PRKAR1B: variants seen among roughly 807,000 people sequenced by gnomAD.
PRKAR1B encodes the protein cAMP-dependent protein kinase type I-beta regulatory subunit.
PRKAR1B carries 22 observed loss-of-function variants against 46.5 expected under a neutral mutation model. The observed-to-expected ratio is 0.47, with a 90% CI of 0.34 to 0.68. The LOEUF is 0.68. PRKAR1B is among the 30% of genes least tolerant of loss of function. The pLI is 0.01. For missense variants in PRKAR1B, 445 were observed against 535.6 expected (o/e 0.83, Z 1.67); for synonymous variants, 259 against 217.7 (o/e 1.19, Z -1.67).
chr7:551,511 G>C, intron 9 of PRKAR1B, 41 bp from the exon 10 acceptor site: 1 of 1,539,876 alleles, frequency 6.5e-7, no homozygotes, highest in Non-Finnish European at 8.8e-7. Flanking sequence ...CAGCCAGGCG[G>C]GTGCAGGGTG....
rs191644250 is a variant in PRKAR1B, at chr7:652,193, C to T, written c.440+25036G>A. On this transcript the variant is annotated intron_variant, in intron 4 of 10. Transcript: ENST00000537384. ...CCCCTCTCGGAACACAGTTCACACC[C>T]GCACAGCGCTAGGAACCTGGGGAAA... 7.3e-4 allele frequency among the ~76,000 whole-genome samples: 105 copies of T among 143,564 alleles called. 1 individual carries two copies. Among genetic ancestry groups the T allele is most frequent in the Non-Finnish European group, 7.7e-4 (51 of 66,422 alleles). The allele number at this position is 143,564 out of a possible 152,430, so 94.2% of individuals were successfully genotyped here.
chr7:633,590 C>A (rs1783882173), intron 4 of PRKAR1B, among the ~76,000 whole-genome samples: 1 of 152,092 alleles, frequency 6.6e-6, no homozygotes, highest in African/African-American at 2.4e-5. Flanking sequence ...ACAGCAAGAC[C>A]CCATCTCTAC....
intron 4 of PRKAR1B, among the ~76,000 whole-genome samples, chr7:613,637 T>C (rs950198850): frequency 6.6e-6 from 1 of 152,000 alleles, no homozygotes; most frequent in Non-Finnish European, 1.5e-5. Flanking sequence ...GTGAATCTGC[T>C]CCAATACCTG....
intron 1 of PRKAR1B, among the ~76,000 whole-genome samples, chr7:724,387 C>T (rs534790212): frequency 3.2e-4 from 48 of 152,244 alleles, no homozygotes; most frequent in Admixed American, 6.5e-4. Flanking sequence ...ATAAGTCTCA[C>T]GAGATCTGAC....
At chr7:727,425 C>T (rs1336632159), upstream of PRKAR1B, 2 of 472,092 alleles carry the variant, frequency 4.2e-6, no homozygotes, top group Non-Finnish European at 6.2e-6. Context: ...CCCCTCCACG[C>T]CCGCACCCCC....
chr7:644,750 C>T lies in PRKAR1B; in HGVS notation c.440+32479G>A, dbSNP rs1183030764. On this transcript the variant is annotated intron_variant, in intron 4 of 10. Transcript: ENST00000537384. The surrounding 1 kb of genome is among the most constrained non-coding windows in gnomAD (Gnocchi z 4.9). ...AACCCCAGCTCTCCCTCCCAGAGGG[C>T]AGGCACCAGGGCCAGACCCTTCCCC... Among the ~76,000 whole-genome samples, 2 of 152,186 alleles carry T rather than the reference C, an allele frequency of 1.3e-5. No homozygotes were observed. The highest frequency in any genetic ancestry group is 3.9e-4 in the East Asian group (2 of 5,180).
Position 667,860 on chromosome 7 carries a change from A to G in PRKAR1B, c.440+9369T>C, listed in dbSNP as rs1786017622. On this transcript the variant is annotated intron_variant, in intron 4 of 10. Coordinates refer to ENST00000537384, the MANE Select transcript of PRKAR1B (RefSeq NM_001164760.2). The surrounding 1 kb of genome is among the most constrained non-coding windows in gnomAD (Gnocchi z 4.3). ...CCTTCGATCAAGGCCAACTAGCAAT[A>G]CCACCATCCTAGAAGGACAGGCAGG... 1.3e-5 allele frequency among the ~76,000 whole-genome samples: 2 copies of G among 152,208 alleles called. No homozygotes were observed. The highest frequency in any genetic ancestry group is 2.9e-5 in the Non-Finnish European group (2 of 68,030).
intron 4 of PRKAR1B, among the ~76,000 whole-genome samples, chr7:664,294 C>A (rs555234375): frequency 1.3e-5 from 2 of 152,292 alleles, no homozygotes; most frequent in Non-Finnish European, 2.9e-5. Flanking sequence ...TCCTTCTGGT[C>A]GCTATGTGGT....
intron 9 of PRKAR1B, among the ~76,000 whole-genome samples, chr7:552,339 TGCCACCACCA>T (rs1197554568): frequency 8.4e-5 from 9 of 106,940 alleles, no homozygotes; most frequent in East Asian, 5.6e-4. Context: ...GCAGAGCCAC[TGCCACCACCA>T]CGTCACCACC....
intron 1 of PRKAR1B, among the ~76,000 whole-genome samples, chr7:724,284 C>T (rs1476800811): frequency 6.6e-6 from 1 of 152,170 alleles, no homozygotes; most frequent in Non-Finnish European, 1.5e-5. Context: ...TGAATTGTAG[C>T]TCCCACAATT....
chr7:659,382 A>T (rs1785380004), intron 4 of PRKAR1B, among the ~76,000 whole-genome samples: 1 of 152,208 alleles, frequency 6.6e-6, no homozygotes, highest in South Asian at 2.1e-4. Flanking sequence ...TATAGCTTCC[A>T]TCCTAGTGGA....
At chr7:717,701 T>A (rs1780928973) in intron 1 of PRKAR1B, among the ~76,000 whole-genome samples, 1 of 152,036 alleles carries the variant, frequency 6.6e-6, no homozygotes, top group Non-Finnish European at 1.5e-5. Context: ...ATATTCAAGT[T>A]TTGCATTGTT....
chr7:617,868 G>GGAGCA (rs1156441440), intron 4 of PRKAR1B, among the ~76,000 whole-genome samples: 4 of 152,124 alleles, frequency 2.6e-5, no homozygotes, highest in Admixed American at 2.6e-4. Flanking sequence ...CCTCTATCCG[G>GGAGCA]GCAAAGGGCT....
chr7:586,290 A>G (rs1354257935), intron 7 of PRKAR1B, among the ~76,000 whole-genome samples: 3 of 152,138 alleles, frequency 2.0e-5, no homozygotes, highest in African/African-American at 7.2e-5. Context: ...TGGTGTCCAC[A>G]CCCTGTGTGC....
chr7:629,227 C>G (rs1227673063), intron 4 of PRKAR1B, among the ~76,000 whole-genome samples: 1 of 152,254 alleles, frequency 6.6e-6, no homozygotes, highest in East Asian at 1.9e-4. Flanking sequence ...AGCCCTCAGA[C>G]CCTGGCTCCA....
intron 2 of PRKAR1B, among the ~76,000 whole-genome samples, chr7:706,422 A>ATTTTTTTTGTTT (rs1780326948): frequency 9.8e-6 from 1 of 102,298 alleles, no homozygotes; most frequent in African/African-American, 3.9e-5. Context: ...CAAATAAGGA[A>ATTTTTTTTGTTT]TTTTTTTTTT....
chr7:593,433 G>A lies in PRKAR1B; in HGVS notation c.708+2713C>T, dbSNP rs974591906. Among the ~76,000 whole-genome samples, 5 of 152,174 alleles carry A rather than the reference G, an allele frequency of 3.3e-5. No homozygotes were observed. The highest frequency in any genetic ancestry group is 3.9e-4 in the East Asian group (2 of 5,190). ...CCCGGCGCGGCCAGCTATTCTTAGC[G>A]CACAGGGACCCAAAATTAAAACAGA... is the stretch of plus-strand genomic sequence containing the variant. On this transcript the variant is annotated intron_variant, in intron 7 of 10. Transcript: ENST00000537384. The surrounding 1 kb of genome is among the most constrained non-coding windows in gnomAD (Gnocchi z 6.1).
intron 2 of PRKAR1B, among the ~76,000 whole-genome samples, chr7:710,929 C>A (rs1222376527): frequency 6.6e-6 from 1 of 152,176 alleles, no homozygotes; most frequent in Non-Finnish European, 1.5e-5. Flanking sequence ...CAGGTGTGAG[C>A]TACCCCGTGG....
In PRKAR1B at chr7:605,542, T is replaced by C. The variant is rs549481363; in HGVS notation, c.549+651A>G. ...GTTTATTTACTTAGTTTTATACATATATGTATCTATTTTATACATACACAT... is the reference window on the plus strand; with the variant it reads ...GTTTATTTACTTAGTTTTATACATACATGTATCTATTTTATACATACACAT... On this transcript the variant is annotated intron_variant, in intron 6 of 10. Transcript: ENST00000537384. Among the ~76,000 whole-genome samples, 85 of 152,346 alleles carry C rather than the reference T, an allele frequency of 5.6e-4. No individual in the cohort carries two copies. The Middle Eastern group carries it at 0.01, about 18-fold the overall frequency.
Sources: allele counts gnomAD v4.1 joint callset (sites outside exome capture counted in the v4.1 genomes callset), GRCh38; gene constraint gnomAD v4.1.1; non-coding constraint Gnocchi (gnomAD v3.1); transcripts MANE v1.5; gene names NCBI Gene and HGNC (gene_info 2026-07-23, HGNC 2026-07-21).